CTNNA3: variants seen among roughly 807,000 people sequenced by gnomAD.
CTNNA3 encodes the protein catenin alpha-3.
CTNNA3 carries 76 observed loss-of-function variants against 95.7 expected under a neutral mutation model. That is an observed-to-expected ratio of 0.79 (90% confidence interval 0.66 to 0.96). The LOEUF is 0.96. Among genes scored for constraint, CTNNA3 ranks in the 40% least tolerant of loss-of-function variants. CTNNA3 has a pLI of 0.00. For missense variants in CTNNA3, 1,191 were observed against 1,089.8 expected (o/e 1.09, Z -1.31); for synonymous variants, 431 against 374.4 (o/e 1.15, Z -1.74).
chr10:67,515,302 A>G (rs2133142311), intron 5 of CTNNA3, among the ~76,000 whole-genome samples: 1 of 152,344 alleles, frequency 6.6e-6, no homozygotes, highest in South Asian at 2.1e-4. Context: ...AGGAAATGTG[A>G]ATATTAATTC....
intron 7 of CTNNA3, among the ~76,000 whole-genome samples, chr10:66,831,626 A>G (rs1472469458): frequency 6.6e-6 from 1 of 152,162 alleles, no homozygotes; most frequent in Non-Finnish European, 1.5e-5. Flanking sequence ...ATTTTACTAG[A>G]CAGTAAATCC....
At chr10:66,185,335 T>A (rs1027699415) in intron 13 of CTNNA3, among the ~76,000 whole-genome samples, 1 of 152,056 alleles carries the variant, frequency 6.6e-6, no homozygotes, top group Admixed American at 6.5e-5. Context: ...ATTATTCAGA[T>A]ATAACCTTAC....
Position 65,952,814 on chromosome 10 carries a change from T to C in CTNNA3, c.2400+13798A>G, listed in dbSNP as rs117357097. On this transcript the variant is annotated intron_variant, in intron 17 of 17. Transcript: ENST00000433211. ...CTGAGTTGCAGTTGCTTGGCGAATT[T>C]TCAGTCTTTCTGATCTTTCCCCTTT... Among the ~76,000 whole-genome samples the C allele has an allele frequency of 3.0e-4, 46 of 152,312 alleles. No homozygotes were observed. In the East Asian group the frequency reaches 8.3e-3, roughly 27 times the overall value.
rs1287288566 is a variant in CTNNA3 at position 67,180,472 on chromosome 10, G to C, written c.892C>G (p.Pro298Ala). 4 of 1,613,840 alleles carry C rather than the reference G, an allele frequency of 2.5e-6. No individual in the cohort carries two copies. Among genetic ancestry groups the C allele is most frequent in the Non-Finnish European group, 3.4e-6 (4 of 1,179,872 alleles). Residue 298 changes from proline to alanine, a missense_variant, in exon 7 of 18, where the codon CCA (proline) becomes GCA (alanine). Physicochemically the swap from Pro to Ala is conservative, Grantham distance 27. Coordinates refer to ENST00000433211, the MANE Select transcript of CTNNA3 (RefSeq NM_013266.4). ...GCTTCAAGGCGTTTCTCTAGTGATGGTCGTATTTCCTCCTCAGTTACTGTG... is the reference window on the plus strand; with the variant it reads ...GCTTCAAGGCGTTTCTCTAGTGATGCTCGTATTTCCTCCTCAGTTACTGTG... ...PLTVTEEEIR[P>A]SLEKRLEAII...
intron 16 of CTNNA3, among the ~76,000 whole-genome samples, chr10:65,968,842 C>A (rs559185096): frequency 4.8e-4 from 73 of 152,188 alleles, no homozygotes; most frequent in Non-Finnish European, 8.7e-4. Context: ...AGGCACACCT[C>A]TTGGTGTTTG....
intron 5 of CTNNA3, among the ~76,000 whole-genome samples, chr10:67,291,232 C>A (rs1442035284): frequency 6.6e-6 from 1 of 152,034 alleles, no homozygotes; most frequent in African/African-American, 2.4e-5. Flanking sequence ...ATGCTTGGGA[C>A]GTGGTGAGCT....
At chr10:66,040,614 C>T (rs2079666098) in intron 15 of CTNNA3, among the ~76,000 whole-genome samples, 1 of 152,056 alleles carries the variant, frequency 6.6e-6, no homozygotes, top group Admixed American at 6.6e-5. Flanking sequence ...CCTTAGCAAA[C>T]TCATTCAGAA....
At chr10:66,161,999 C>A (rs2084875003) in intron 13 of CTNNA3, among the ~76,000 whole-genome samples, 1 of 152,058 alleles carries the variant, frequency 6.6e-6, no homozygotes, top group Non-Finnish European at 1.5e-5. Flanking sequence ...ATTGATGAGA[C>A]TTTACAGAGC....
chr10:67,396,699 G>A (rs1844718155), intron 5 of CTNNA3, among the ~76,000 whole-genome samples: 1 of 152,110 alleles, frequency 6.6e-6, no homozygotes, highest in Non-Finnish European at 1.5e-5. Context: ...ATTTGATATG[G>A]TTTGGCTCTG....
At chr10:66,701,062 TATTG>T (rs1392133332) in intron 9 of CTNNA3, among the ~76,000 whole-genome samples, 2 of 152,156 alleles carry the variant, frequency 1.3e-5, no homozygotes, top group African/African-American at 2.4e-5. Flanking sequence ...GGTAGGAGGT[TATTG>T]ATTGAATTTT....
intron 7 of CTNNA3, among the ~76,000 whole-genome samples, chr10:66,923,517 G>A (rs942973979): frequency 6.6e-6 from 1 of 152,190 alleles, no homozygotes; most frequent in East Asian, 1.9e-4. Flanking sequence ...CTGTTTTTGA[G>A]AGATACAAGT....
At chr10:66,365,497 G>T (rs906629135) in intron 12 of CTNNA3, among the ~76,000 whole-genome samples, 1 of 152,046 alleles carries the variant, frequency 6.6e-6, no homozygotes. Context: ...TAACAAAACT[G>T]CAAGTTCTGC....
chr10:66,669,542 AAAAAAAAG>A (rs1341721161), intron 9 of CTNNA3, among the ~76,000 whole-genome samples: 2 of 151,828 alleles, frequency 1.3e-5, no homozygotes, highest in Non-Finnish European at 2.9e-5. Flanking sequence ...ACTTTTGTCA[AAAAAAAAG>A]AAAAAAAGAA....
At chr10:66,094,787 T>C (rs1262297417) in intron 14 of CTNNA3, among the ~76,000 whole-genome samples, 2 of 152,160 alleles carry the variant, frequency 1.3e-5, no homozygotes, top group Non-Finnish European at 2.9e-5. Context: ...TTGAATAAAG[T>C]CTTCCTCTCT....
intron 6 of CTNNA3, among the ~76,000 whole-genome samples, chr10:67,199,518 T>C (rs1482006332): frequency 1.3e-5 from 2 of 152,034 alleles, no homozygotes; most frequent in South Asian, 2.1e-4. Context: ...TACAGGCGCA[T>C]GCCACCACGC....
intron 11 of CTNNA3, among the ~76,000 whole-genome samples, chr10:66,497,893 TAGATAATA>T (rs1349762742): frequency 6.6e-6 from 1 of 152,084 alleles, no homozygotes; most frequent in Non-Finnish European, 1.5e-5. Context: ...GAAGAAGACA[TAGATAATA>T]AAAGTCCACT....
chr10:66,659,709 A>T (rs1846193498), intron 9 of CTNNA3, among the ~76,000 whole-genome samples: 1 of 152,150 alleles, frequency 6.6e-6, no homozygotes, highest in Non-Finnish European at 1.5e-5. Flanking sequence ...GAGCATGTTT[A>T]TCTCTTCTGC....
At chr10:67,669,256 C>T (rs1467126847) in intron 1 of CTNNA3, among the ~76,000 whole-genome samples, 1 of 152,122 alleles carries the variant, frequency 6.6e-6, no homozygotes, top group Non-Finnish European at 1.5e-5. Flanking sequence ...GGTGCAGTGG[C>T]ATATGCAAAT....
chr10:66,845,477 G>A (rs913877863), intron 7 of CTNNA3, among the ~76,000 whole-genome samples: 3 of 151,936 alleles, frequency 2.0e-5, no homozygotes, highest in Admixed American at 2.0e-4. Flanking sequence ...GCCGAGGCAG[G>A]TGGATCACCT....
Sources: gnomAD v4.1 joint callset for allele counts (sites outside exome capture counted in the v4.1 genomes callset) on GRCh38, gnomAD v4.1.1 for gene constraint, MANE v1.5 for transcripts, NCBI Gene and HGNC (gene_info 2026-07-23, HGNC 2026-07-21) for gene names.